The following GRID2 variants were observed in gnomAD, a reference collection of about 807,000 sequenced individuals.
GRID2 encodes glutamate receptor ionotropic, delta-2.
In GRID2, 33 loss-of-function variants were observed where a neutral mutation model predicts 114.8. The ratio of observed to expected loss-of-function variants is 0.29; its 90% confidence interval spans 0.22 to 0.38. The LOEUF (loss-of-function observed/expected upper bound fraction) is 0.38, where lower values mean the gene tolerates loss of function less well. Among genes scored for constraint, GRID2 ranks in the 10% least tolerant of loss-of-function variants. The pLI is 1.00. For missense variants in GRID2, 1,184 were observed against 1,257.7 expected, an observed-to-expected ratio of 0.94 and a Z score of 0.89; for synonymous variants, 505 against 449.9, an observed-to-expected ratio of 1.12 and a Z score of -1.55.
chr4:93,383,386 A>G (rs1342559219), intron 8 of GRID2, among the ~76,000 whole-genome samples: 4 of 152,158 alleles, frequency 2.6e-5, no homozygotes, highest in South Asian at 2.1e-4. Context: ...CTGCCATTGG[A>G]CTAAGGGTCA....
chr4:92,959,248 C>T (rs1578604144), intron 2 of GRID2, among the ~76,000 whole-genome samples: 1 of 150,990 alleles, frequency 6.6e-6, no homozygotes, highest in African/African-American at 2.4e-5. Context: ...TATTTAATTT[C>T]CTCTCCTTTT....
intron 2 of GRID2, among the ~76,000 whole-genome samples, chr4:92,924,400 T>G (rs75001448): frequency 7.0e-6 from 1 of 143,038 alleles, no homozygotes; most frequent in African/African-American, 2.6e-5. Context: ...AAAGTATAAT[T>G]AAAAAAAAAA....
At chr4:92,443,327 A>G (rs1236066527) in intron 1 of GRID2, among the ~76,000 whole-genome samples, 1 of 152,190 alleles carries the variant, frequency 6.6e-6, no homozygotes, top group Non-Finnish European at 1.5e-5. Flanking sequence ...GTGGCATTGC[A>G]GAAGAAAATA....
At chr4:93,683,853 G>A (rs1725832114) in intron 14 of GRID2, among the ~76,000 whole-genome samples, 1 of 151,994 alleles carries the variant, frequency 6.6e-6, no homozygotes, top group African/African-American at 2.4e-5. Flanking sequence ...CACAATTGTG[G>A]TGTATTAACT....
At chr4:93,317,715 A>G (rs868783979) in intron 8 of GRID2, among the ~76,000 whole-genome samples, 4 of 151,866 alleles carry the variant, frequency 2.6e-5, no homozygotes, top group African/African-American at 7.2e-5. Flanking sequence ...TTTCTTTGCG[A>G]GTGAGCAGAA....
intron 1 of GRID2, among the ~76,000 whole-genome samples, chr4:92,448,033 C>T (rs1290912644): frequency 6.6e-6 from 1 of 152,164 alleles, no homozygotes; most frequent in Non-Finnish European, 1.5e-5. Flanking sequence ...GCATTTCTAA[C>T]ATAAGACCTC....
chr4:92,739,516 G>T (rs10516914), intron 2 of GRID2, among the ~76,000 whole-genome samples: 55,777 of 151,536 alleles, frequency 0.37, 10,587 homozygotes, highest in East Asian at 0.57. Flanking sequence ...CACCTATATT[G>T]GAAAGTGGAC....
intron 2 of GRID2, among the ~76,000 whole-genome samples, chr4:92,657,093 A>G (rs1366329200): frequency 6.6e-6 from 1 of 151,684 alleles, no homozygotes; most frequent in Admixed American, 6.6e-5. Flanking sequence ...CAAATAGTAC[A>G]ATAAGAAAAG....
intron 11 of GRID2, among the ~76,000 whole-genome samples, chr4:93,456,185 T>A (rs960771049): frequency 1.3e-5 from 2 of 152,166 alleles, no homozygotes; most frequent in African/African-American, 4.8e-5. Flanking sequence ...TGTCTTTTGA[T>A]GTAAGTTTAA....
intron 5 of GRID2, among the ~76,000 whole-genome samples, chr4:93,210,112 G>C (rs1743280253): frequency 6.6e-6 from 1 of 151,722 alleles, no homozygotes; most frequent in Non-Finnish European, 1.5e-5. Flanking sequence ...ATTCAATTTT[G>C]TTTGTCGATT....
At chr4:93,223,296 G>T (rs546745852) in intron 6 of GRID2, among the ~76,000 whole-genome samples, 1 of 152,132 alleles carries the variant, frequency 6.6e-6, no homozygotes, top group East Asian at 1.9e-4. Flanking sequence ...TGTATTGCAC[G>T]TAATGCATTG....
At chr4:93,588,469 G>C (rs796551566) in intron 13 of GRID2, among the ~76,000 whole-genome samples, 21 of 152,240 alleles carry the variant, frequency 1.4e-4, no homozygotes, top group African/African-American at 4.6e-4. Context: ...GTTTCTGTAA[G>C]AATGAGGATG....
chr4:93,009,715 G>T (rs980254763), intron 2 of GRID2, among the ~76,000 whole-genome samples: 1 of 152,026 alleles, frequency 6.6e-6, no homozygotes, highest in African/African-American at 2.4e-5. Context: ...GCAGCTAGAA[G>T]TGGAGACCTT....
At chr4:92,923,203 G>A (rs1034675968) in intron 2 of GRID2, among the ~76,000 whole-genome samples, 3 of 152,008 alleles carry the variant, frequency 2.0e-5, no homozygotes, top group Non-Finnish European at 4.4e-5. Flanking sequence ...AGTTTTGAAA[G>A]GATAACTGTC....
chr4:92,935,278 G>A (rs1445328901), intron 2 of GRID2, among the ~76,000 whole-genome samples: 1 of 147,246 alleles, frequency 6.8e-6, no homozygotes, highest in Non-Finnish European at 1.5e-5. Context: ...AAAAACACAT[G>A]AAAAAAGGCT....
chr4:93,725,958 C>A (rs933993666), intron 14 of GRID2, among the ~76,000 whole-genome samples: 10 of 152,122 alleles, frequency 6.6e-5, no homozygotes, highest in African/African-American at 2.4e-4. Flanking sequence ...ATGGTAGTTT[C>A]TTTTGCTGTG....
At chr4:93,502,922 G>A (rs1057334304) in intron 12 of GRID2, among the ~76,000 whole-genome samples, 2 of 152,048 alleles carry the variant, frequency 1.3e-5, no homozygotes, top group African/African-American at 4.8e-5. Flanking sequence ...TTCTGAGAGG[G>A]ATGCTACAGA....
At chr4:93,749,311 A>G (rs1732113824) in intron 14 of GRID2, among the ~76,000 whole-genome samples, 1 of 152,230 alleles carries the variant, frequency 6.6e-6, no homozygotes, top group South Asian at 2.1e-4. Context: ...ACAGTTTATA[A>G]AAGTTGCAAG....
At chr4:93,212,974 T>C (rs1344818737) in intron 5 of GRID2, among the ~76,000 whole-genome samples, 1 of 152,088 alleles carries the variant, frequency 6.6e-6, no homozygotes, top group African/African-American at 2.4e-5. Context: ...GGTTTCACCA[T>C]GTTGGCCAGG....
Sources: allele counts gnomAD v4.1 joint callset (sites outside exome capture counted in the v4.1 genomes callset), GRCh38; gene constraint gnomAD v4.1.1; transcripts MANE v1.5; gene names NCBI Gene and HGNC (gene_info 2026-07-23, HGNC 2026-07-21).